The following CNTN4 variants were observed in gnomAD, a reference collection of about 807,000 sequenced individuals.
The protein encoded by CNTN4 is contactin 4, also known as contactin-4.
In CNTN4, 77 loss-of-function variants were observed where a neutral mutation model predicts 122.5. The observed-to-expected ratio is 0.63, with a 90% CI of 0.52 to 0.76. The LOEUF (loss-of-function observed/expected upper bound fraction) is 0.76, where lower values mean the gene tolerates loss of function less well. Among genes scored for constraint, CNTN4 ranks in the 30% least tolerant of loss-of-function variants. The pLI is 0.00. For synonymous variants in CNTN4, 512 were observed against 447.0 expected (o/e 1.15, Z -1.83); for missense variants, 1,256 against 1,259.1 (o/e 1.00, Z 0.04).
chr3:2,260,638 A>T (rs914636052), intron 2 of CNTN4, among the ~76,000 whole-genome samples: 2 of 152,142 alleles, frequency 1.3e-5, no homozygotes, highest in Non-Finnish European at 2.9e-5. Context: ...TATTTTTCCA[A>T]GCAAATATTT....
intron 4 of CNTN4, among the ~76,000 whole-genome samples, chr3:2,663,287 C>G (rs1295257163): frequency 6.6e-6 from 1 of 151,908 alleles, no homozygotes; most frequent in Non-Finnish European, 1.5e-5. Context: ...AGATAATGAG[C>G]TAACAAGTAA....
intron 6 of CNTN4, among the ~76,000 whole-genome samples, chr3:2,766,510 C>T (rs574436253): frequency 4.6e-5 from 7 of 152,224 alleles, no homozygotes; most frequent in Admixed American, 1.3e-4. Context: ...AACCAAACAT[C>T]GTATATTTTC....
intron 4 of CNTN4, among the ~76,000 whole-genome samples, chr3:2,614,170 TAAATGA>T (rs1164609901): frequency 6.6e-6 from 1 of 152,092 alleles, no homozygotes; most frequent in African/African-American, 2.4e-5. Context: ...AGCTGAAATC[TAAATGA>T]CAACAAGGAG....
intron 2 of CNTN4, among the ~76,000 whole-genome samples, chr3:2,210,069 A>G (rs576206553): frequency 3.9e-5 from 6 of 152,258 alleles, no homozygotes; most frequent in African/African-American, 1.4e-4. Flanking sequence ...ACTATTTACC[A>G]AGGTGTGTAA....
At chr3:2,303,510 TA>T (rs1429431591) in intron 2 of CNTN4, among the ~76,000 whole-genome samples, 1 of 152,202 alleles carries the variant, frequency 6.6e-6, no homozygotes, top group Non-Finnish European at 1.5e-5. Flanking sequence ...TTCACCAGGT[TA>T]TAGCATGTAT....
In CNTN4 at chr3:2,887,236, A is replaced by T; in HGVS notation, c.940+12A>T. The T allele has an allele frequency of 6.2e-7, 1 of 1,609,334 alleles. No homozygotes were observed. The highest frequency in any genetic ancestry group is 8.5e-7 in the Non-Finnish European group (1 of 1,178,420). On this transcript the variant is annotated intron_variant, in intron 10 of 24. Transcript: ENST00000418658. Reference sequence around the variant, plus strand: ...GCTAACTTTCTATGGTAAGTGTATGATTTCAGTTTATCATTTATAGTGCTA... The same window carrying T: ...GCTAACTTTCTATGGTAAGTGTATGTTTTCAGTTTATCATTTATAGTGCTA...
intron 2 of CNTN4, among the ~76,000 whole-genome samples, chr3:2,229,861 A>G (rs1394417515): frequency 6.6e-6 from 1 of 152,216 alleles, no homozygotes; most frequent in African/African-American, 2.4e-5. Flanking sequence ...TTAACAATCA[A>G]GTATCTCCAG....
At chr3:2,764,469 T>C (rs1048952352) in intron 6 of CNTN4, among the ~76,000 whole-genome samples, 5 of 152,188 alleles carry the variant, frequency 3.3e-5, no homozygotes, top group African/African-American at 1.2e-4. Context: ...AAGACCTGCC[T>C]GTGTGGCTGG....
At position 2,508,368 on chromosome 3, in the gene CNTN4, C is replaced by T. The variant is rs538256144; in HGVS notation, c.-88-63048C>T. ...GTGAGAGATGCAAGGAATAGGAAAA[C>T]ACTTTCAAGAAGAAGCAATGAGCAG... is the stretch of plus-strand genomic sequence containing the variant. On this transcript the variant is annotated intron_variant, in intron 3 of 24. Transcript: ENST00000418658. Among the ~76,000 whole-genome samples, 6 of 152,306 alleles carry T rather than the reference C, an allele frequency of 3.9e-5. No homozygotes were observed. The South Asian group carries it at 1.0e-3, about 26-fold the overall frequency.
intron 2 of CNTN4, among the ~76,000 whole-genome samples, chr3:2,274,176 A>G (rs1372491087): frequency 6.6e-6 from 1 of 152,096 alleles, no homozygotes; most frequent in East Asian, 1.9e-4. Flanking sequence ...TGAGCTCAGG[A>G]GCTCAAAACC....
chr3:2,392,872 A>G (rs2046492273), intron 3 of CNTN4, among the ~76,000 whole-genome samples: 1 of 152,102 alleles, frequency 6.6e-6, no homozygotes, highest in South Asian at 2.1e-4. Flanking sequence ...AGAACACCAA[A>G]ACTCATTCCT....
chr3:2,224,898 C>T (rs1024786299), intron 2 of CNTN4, among the ~76,000 whole-genome samples: 2 of 152,124 alleles, frequency 1.3e-5, no homozygotes, highest in African/African-American at 4.8e-5. Context: ...CGCCTGTAAT[C>T]CCAGCATTTT....
chr3:2,208,169 A>C (rs1160579400), intron 2 of CNTN4, among the ~76,000 whole-genome samples: 10 of 152,204 alleles, frequency 6.6e-5, no homozygotes, highest in Non-Finnish European at 1.2e-4. Flanking sequence ...TGGGCAAAGT[A>C]AATTTCAAAC....
intron 3 of CNTN4, among the ~76,000 whole-genome samples, chr3:2,420,537 G>A (rs1327096354): frequency 4.6e-5 from 7 of 151,880 alleles, no homozygotes; most frequent in Non-Finnish European, 8.8e-5. Flanking sequence ...CCAGGTTCAA[G>A]CAATTCTTGG....
intron 2 of CNTN4, among the ~76,000 whole-genome samples, chr3:2,202,488 C>T (rs1362351848): frequency 1.3e-5 from 2 of 152,086 alleles, no homozygotes; most frequent in South Asian, 4.1e-4. Flanking sequence ...GGATTTGAAA[C>T]CTGATCAGAC....
rs144248858 is a variant in CNTN4, at chr3:2,847,450, GT to G, written c.455-19300del. Among the ~76,000 whole-genome samples the G allele has an allele frequency of 1.3e-4, 20 of 152,364 alleles. No homozygotes were observed. In the East Asian group the frequency reaches 3.9e-3, roughly 29 times the overall value. On this transcript the variant is annotated intron_variant, in intron 7 of 24. Transcript: ENST00000418658. The stretch of plus-strand genomic sequence containing the variant: ...CACCAAGCAATTTGTGATCTGAAGT[GT>G]TGCAAGAATGCTAAAATTATATGTA...
At chr3:2,175,998 C>T (rs1234951536) in intron 2 of CNTN4, among the ~76,000 whole-genome samples, 1 of 152,084 alleles carries the variant, frequency 6.6e-6, no homozygotes, top group Non-Finnish European at 1.5e-5. Context: ...TGGTTTATTC[C>T]ATGTATGTGA....
At chr3:3,023,749 T>C (rs1698487647) in intron 14 of CNTN4, among the ~76,000 whole-genome samples, 1 of 152,196 alleles carries the variant, frequency 6.6e-6, no homozygotes. Context: ...TGAAGCCCTC[T>C]GCAACCATCT....
chr3:2,917,194 G>A (rs931887147), intron 12 of CNTN4, among the ~76,000 whole-genome samples: 29 of 151,250 alleles, frequency 1.9e-4, no homozygotes, highest in Admixed American at 1.1e-3. Context: ...GCAGGCAGTC[G>A]GCAGGCTGAG....
Sources: allele counts gnomAD v4.1 joint callset (sites outside exome capture counted in the v4.1 genomes callset), GRCh38; gene constraint gnomAD v4.1.1; transcripts MANE v1.5; gene names NCBI Gene and HGNC (gene_info 2026-07-23, HGNC 2026-07-21).